Variants in SH3RF2 observed in about 807,000 individuals in gnomAD.
SH3RF2 encodes the protein E3 ubiquitin-protein ligase SH3RF2.
Under a neutral mutation model 59.0 loss-of-function variants are expected in SH3RF2, and 43 were observed. That is an observed-to-expected ratio of 0.73 (90% CI 0.57 to 0.94). The LOEUF is 0.94. Ranked by LOEUF, SH3RF2 falls within the 40% of genes least tolerant of loss-of-function variation. The pLI is 0.00. For synonymous variants in SH3RF2, 391 were observed against 391.5 expected (o/e 1.00, Z 0.01); for missense variants, 930 against 940.1 (o/e 0.99, Z 0.14).
At chr5:146,064,541 C>A (rs1762998274), downstream of SH3RF2, among the ~76,000 whole-genome samples, 1 of 122,490 alleles carries the variant, frequency 8.2e-6, no homozygotes. Flanking sequence ...GGCTGGGTGC[C>A]ATAGAAAGAA....
At chr5:146,022,708 A>C (rs1761371515) in intron 5 of SH3RF2, among the ~76,000 whole-genome samples, 2 of 152,018 alleles carry the variant, frequency 1.3e-5, no homozygotes, top group Non-Finnish European at 2.9e-5. Context: ...CCCCGTCTCT[A>C]CTAAAAATAC....
intron 2 of SH3RF2, among the ~76,000 whole-genome samples, chr5:145,948,782 G>T (rs776573727): frequency 1.2e-4 from 19 of 152,094 alleles, no homozygotes; most frequent in Non-Finnish European, 2.6e-4. Context: ...AGGTTCCTCC[G>T]CAGGTTCCCA....
intron 5 of SH3RF2, among the ~76,000 whole-genome samples, chr5:146,020,060 ACTT>A (rs1474548124): frequency 2.0e-5 from 3 of 151,898 alleles, no homozygotes; most frequent in Non-Finnish European, 4.4e-5. Flanking sequence ...AGATGGTTTG[ACTT>A]CTTCTTTTCT....
chr5:146,048,970 C>A, intron 6 of SH3RF2, 105 bp from the exon 7 acceptor site: 7 of 1,372,906 alleles, frequency 5.1e-6, no homozygotes, highest in Non-Finnish European at 7.1e-6. Context: ...CAAGAAGGTT[C>A]TTATTGCTAA....
At chr5:146,065,517 G>T (rs1003158209), downstream of SH3RF2, among the ~76,000 whole-genome samples, 1 of 152,158 alleles carries the variant, frequency 6.6e-6, no homozygotes, top group African/African-American at 2.4e-5. Context: ...TGACAAGCAG[G>T]GTGCTTAGAT....
At chr5:146,066,342 A>T (rs1185859458), downstream of SH3RF2, among the ~76,000 whole-genome samples, 1 of 152,218 alleles carries the variant, frequency 6.6e-6, no homozygotes, top group Non-Finnish European at 1.5e-5. Flanking sequence ...CAGGCCAGTT[A>T]CTTAATCTCT....
At chr5:146,058,202 C>T (rs555853928) in intron 8 of SH3RF2, among the ~76,000 whole-genome samples, 1 of 152,022 alleles carries the variant, frequency 6.6e-6, no homozygotes, top group South Asian at 2.1e-4. Context: ...TAGGAATTGA[C>T]AAGATAAATA....
chr5:146,070,673 C>T (rs1423959135), intron 9 of SH3RF2, among the ~76,000 whole-genome samples: 1 of 152,208 alleles, frequency 6.6e-6, no homozygotes, highest in Non-Finnish European at 1.5e-5. Context: ...AAATGACCCC[C>T]ACTTCCATCT....
At chr5:146,059,679 A>C (rs2150021993) in intron 8 of SH3RF2, among the ~76,000 whole-genome samples, 187 bp from the exon 9 acceptor site, 1 of 152,314 alleles carries the variant, frequency 6.6e-6, no homozygotes, top group East Asian at 1.9e-4. Flanking sequence ...ATTTGCTGCC[A>C]GCATCAGCAA....
chr5:146,081,527 A>C (rs1763425241), exon 10 of SH3RF2: 1 of 152,206 alleles, frequency 6.6e-6, no homozygotes, highest in Non-Finnish European at 1.5e-5. Flanking sequence ...TGATCAGAAG[A>C]AGCAAAAGGG....
chr5:145,954,550 A>G (rs1758320255), intron 2 of SH3RF2, among the ~76,000 whole-genome samples: 1 of 152,160 alleles, frequency 6.6e-6, no homozygotes, highest in Admixed American at 6.5e-5. Context: ...GAAGCTCTTA[A>G]GTTTAATTAG....
chr5:145,947,802 T>C (rs1758050766), intron 2 of SH3RF2, among the ~76,000 whole-genome samples: 1 of 152,206 alleles, frequency 6.6e-6, no homozygotes, highest in Non-Finnish European at 1.5e-5. Context: ...GTCCCTTTGC[T>C]TGGGCTCCAA....
intron 5 of SH3RF2, among the ~76,000 whole-genome samples, chr5:146,039,498 A>C (rs1230778742): frequency 4.6e-5 from 7 of 152,190 alleles, no homozygotes; most frequent in Middle Eastern, 3.4e-3. Context: ...AAAAAAAAAA[A>C]CAAACTAAAG....
chr5:145,967,054 A>G (rs1243397077), intron 2 of SH3RF2, among the ~76,000 whole-genome samples: 1 of 152,148 alleles, frequency 6.6e-6, no homozygotes, highest in Non-Finnish European at 1.5e-5. Flanking sequence ...TAATTACTTT[A>G]TAAGTAGGGA....
Position 145,940,773 on chromosome 5 carries a change from G to A in SH3RF2, c.378+2467G>A, listed in dbSNP as rs554248690. ...TTGCTGGGTCTCAATTTAAAATTCT[G>A]TAAAATGGGAAGATGTCATGTATAA... is the stretch of plus-strand genomic sequence containing the variant. On this transcript the variant is annotated intron_variant, in intron 2 of 9. Transcript: ENST00000359120. 2.6e-5 allele frequency among the ~76,000 whole-genome samples: 4 copies of A among 152,306 alleles called. 1 individual carries two copies. In the South Asian group the frequency reaches 8.3e-4, roughly 32 times the overall value.
At chr5:146,041,560 T>C (rs898178030) in intron 5 of SH3RF2, among the ~76,000 whole-genome samples, 1 of 152,194 alleles carries the variant, frequency 6.6e-6, no homozygotes, top group Admixed American at 6.5e-5. Context: ...CTTTTAACTT[T>C]ATAAAGTCAG....
intron 5 of SH3RF2, among the ~76,000 whole-genome samples, chr5:146,031,732 G>A (rs531501380): frequency 6.6e-6 from 1 of 152,190 alleles, no homozygotes; most frequent in African/African-American, 2.4e-5. Context: ...CATGGAGTGT[G>A]TGTCCATGCT....
At chr5:146,064,780 G>GAAGGAAGGAAAGGAAGGAAGGA (rs1561773672), downstream of SH3RF2, among the ~76,000 whole-genome samples, 5 of 21,456 alleles carry the variant, frequency 2.3e-4, no homozygotes, top group Admixed American at 4.7e-4. Flanking sequence ...GGAAGGAAAG[G>GAAGGAAGGAAAGGAAGGAAGGA]AAGGAAGGAA....
At chr5:145,956,450 A>G (rs890900803) in intron 2 of SH3RF2, among the ~76,000 whole-genome samples, 3 of 151,814 alleles carry the variant, frequency 2.0e-5, no homozygotes, top group African/African-American at 7.3e-5. Flanking sequence ...TAATTTTTGT[A>G]TTTTTAGTAG....
Sources: allele counts gnomAD v4.1 joint callset (sites outside exome capture counted in the v4.1 genomes callset), GRCh38; gene constraint gnomAD v4.1.1; transcripts MANE v1.5; gene names NCBI Gene and HGNC (gene_info 2026-07-23, HGNC 2026-07-21).